Variants in TBC1D1 observed in about 807,000 individuals in gnomAD.
The protein encoded by TBC1D1 is TBC1 (tre-2/USP6, BUB2, cdc16) domain family, member 1.
Under a neutral mutation model 125.6 loss-of-function variants are expected in TBC1D1, and 89 were observed. The observed-to-expected ratio is 0.71, with a 90% confidence interval of 0.60 to 0.85. The LOEUF (loss-of-function observed/expected upper bound fraction) is 0.85, where lower values mean the gene tolerates loss of function less well. TBC1D1 is among the 40% of genes least tolerant of loss of function. The probability of loss-of-function intolerance (pLI) is 0.00; values close to 1 mark genes in which losing one functional copy is unlikely to be tolerated. For missense variants in TBC1D1, 1,377 were observed against 1,469.2 expected (o/e 0.94, Z 1.03); for synonymous variants, 565 against 564.1 (o/e 1.00, Z -0.02).
intron 12 of TBC1D1, among the ~76,000 whole-genome samples, chr4:38,073,321 T>G (rs564831243): frequency 1.3e-5 from 2 of 152,346 alleles, no homozygotes; most frequent in South Asian, 4.1e-4. Context: ...TCTTCTGGAT[T>G]ACACTTGATT....
chr4:37,942,729 A>G (rs1454604764), intron 2 of TBC1D1, among the ~76,000 whole-genome samples: 1 of 151,966 alleles, frequency 6.6e-6, no homozygotes, highest in Non-Finnish European at 1.5e-5. Flanking sequence ...TTTAGTAGAG[A>G]CGGGGTTTCA....
rs1178173150 is a variant in TBC1D1, at chr4:38,014,870, T to G, written c.779T>G (p.Phe260Cys). ...GATGGGGGCCTCCGAAGCAGCGGCT[T>G]CTTCAGCTCCTTCGAGGAGAGCGAC... The change falls in exon 3 of 20, where the codon TTC becomes TGC. Residue 260 changes from phenylalanine to cysteine, a missense_variant. Phe to Cys is a radical substitution (Grantham distance 205). Coordinates refer to ENST00000261439, the MANE Select transcript of TBC1D1 (RefSeq NM_015173.4). This position sits in a 1 kb window ranked among gnomAD's most constrained non-coding sequence, Gnocchi z 5.1. The G allele has an allele frequency of 1.2e-6, 2 of 1,610,906 alleles. No individual in the cohort carries two copies. The highest frequency in any genetic ancestry group is 4.5e-5 in the East Asian group (2 of 44,748).
chr4:37,985,598 G>T (rs1383132638), intron 2 of TBC1D1, among the ~76,000 whole-genome samples: 6 of 152,152 alleles, frequency 3.9e-5, no homozygotes, highest in African/African-American at 1.2e-4. Context: ...TTTAAAAATA[G>T]TTCCTATTTT....
chr4:37,891,899 T>C (rs1430025674), intron 1 of TBC1D1, among the ~76,000 whole-genome samples: 1 of 152,148 alleles, frequency 6.6e-6, no homozygotes, highest in Non-Finnish European at 1.5e-5. Context: ...CCCCTCAAAC[T>C]TCACCAGGCA....
At chr4:37,950,759 C>CTT (rs35602268) in intron 2 of TBC1D1, among the ~76,000 whole-genome samples, 298 of 137,832 alleles carry the variant, frequency 2.2e-3, no homozygotes, top group African/African-American at 5.5e-3. Flanking sequence ...CATGTAGTCA[C>CTT]TTTTTTTTTT....
intron 2 of TBC1D1, among the ~76,000 whole-genome samples, chr4:37,989,860 G>A (rs1008325993): frequency 1.3e-5 from 2 of 152,032 alleles, no homozygotes; most frequent in African/African-American, 2.4e-5. Flanking sequence ...GGTTTTTTTC[G>A]TCTCTCAGAG....
Position 38,014,723 on chromosome 4 carries a change from G to GCCCCCCCCCCCCCCCCCCCCCCC in TBC1D1, c.637_638insCCCCCCCCCCCCCCCCCCCCCCC (p.Arg213ProfsTer106). The GCCCCCCCCCCCCCCCCCCCCCCC allele has an allele frequency of 6.2e-7, 1 of 1,600,230 alleles. No individual in the cohort carries two copies. Among genetic ancestry groups the GCCCCCCCCCCCCCCCCCCCCCCC allele is most frequent in the Non-Finnish European group, 8.6e-7 (1 of 1,169,374 alleles). On this transcript the variant is annotated frameshift_variant, in exon 3 of 20. Coordinates refer to ENST00000261439, the MANE Select transcript of TBC1D1 (RefSeq NM_015173.4). LOFTEE classifies it high-confidence loss of function. The surrounding 1 kb of genome is among the most constrained non-coding windows in gnomAD (Gnocchi z 5.1). ...GTCAGCGGCAGCCGGGGGTCCGAGA[G>GCCCCCCCCCCCCCCCCCCCCCCC]CCCCCGCCCCAACCCGCCCCATGCC...
At chr4:37,908,222 CT>C (rs1415474281) in intron 2 of TBC1D1, among the ~76,000 whole-genome samples, 1 of 151,860 alleles carries the variant, frequency 6.6e-6, no homozygotes, top group Non-Finnish European at 1.5e-5. Context: ...GTGTAAGCGC[CT>C]TTTTTGGGGG....
At chr4:38,016,899 A>G (rs148236655) in intron 3 of TBC1D1, among the ~76,000 whole-genome samples, 3,395 of 152,360 alleles carry the variant, frequency 0.022, 60 homozygotes, top group South Asian at 0.074. Flanking sequence ...CTACAGAGCC[A>G]GGATACTTGG....
chr4:37,926,253 C>T (rs1374212004), intron 2 of TBC1D1, among the ~76,000 whole-genome samples: 1 of 152,188 alleles, frequency 6.6e-6, no homozygotes, highest in Non-Finnish European at 1.5e-5. Context: ...GGATTCCCTC[C>T]CTTTGTGCCT....
intron 12 of TBC1D1, among the ~76,000 whole-genome samples, chr4:38,057,917 A>G (rs1232173235): frequency 6.6e-6 from 1 of 152,202 alleles, no homozygotes; most frequent in Non-Finnish European, 1.5e-5. Flanking sequence ...GGCTGCAGCC[A>G]GAGATGCAGG....
intron 2 of TBC1D1, among the ~76,000 whole-genome samples, chr4:38,005,165 G>A (rs1313294690): frequency 6.6e-6 from 1 of 152,192 alleles, no homozygotes; most frequent in East Asian, 1.9e-4. Context: ...GCCCCAGGAT[G>A]CGGAAAAAGG....
chr4:37,897,191 G>A (rs1337594090), intron 1 of TBC1D1, among the ~76,000 whole-genome samples: 2 of 152,100 alleles, frequency 1.3e-5, no homozygotes, highest in African/African-American at 4.8e-5. Context: ...ATAATCAAAT[G>A]GTTTGTTAGT....
At chr4:38,052,726 GCGCACACACACACA>G (rs1370735741) in intron 11 of TBC1D1, among the ~76,000 whole-genome samples, 2 of 68,996 alleles carry the variant, frequency 2.9e-5, no homozygotes, top group South Asian at 4.6e-4. Context: ...GCGCGCGCGC[GCGCACACACACACA>G]CACACACACA....
intron 6 of TBC1D1, among the ~76,000 whole-genome samples, chr4:38,027,261 A>G (rs1009376826): frequency 3.3e-5 from 5 of 152,338 alleles, no homozygotes; most frequent in African/African-American, 9.6e-5. Context: ...CTTAATGCCT[A>G]TTATACAGTG....
intron 2 of TBC1D1, among the ~76,000 whole-genome samples, chr4:37,962,847 G>T (rs1369614761): frequency 6.6e-6 from 1 of 152,174 alleles, no homozygotes; most frequent in Non-Finnish European, 1.5e-5. Flanking sequence ...AAAAAAGAAA[G>T]TGTTTTAAAA....
intron 12 of TBC1D1, among the ~76,000 whole-genome samples, chr4:38,082,610 T>C (rs1756764910): frequency 6.6e-6 from 1 of 152,208 alleles, no homozygotes; most frequent in Admixed American, 6.5e-5. Flanking sequence ...TTTTCTCCCA[T>C]GCGTTATCTC....
At chr4:38,055,642 G>A (rs1241069075) in intron 12 of TBC1D1, among the ~76,000 whole-genome samples, 1 of 152,084 alleles carries the variant, frequency 6.6e-6, no homozygotes, top group African/African-American at 2.4e-5. Context: ...CAAGTAGTTT[G>A]TACCTATAAA....
intron 2 of TBC1D1, among the ~76,000 whole-genome samples, chr4:37,915,442 G>C (rs2152262391): frequency 6.6e-6 from 1 of 152,304 alleles, no homozygotes; most frequent in Non-Finnish European, 1.5e-5. Context: ...ATGTCTGTGA[G>C]CCGGGAGAAC....
Sources: gnomAD v4.1 joint callset for allele counts (sites outside exome capture counted in the v4.1 genomes callset) on GRCh38, gnomAD v4.1.1 for gene constraint, Gnocchi (gnomAD v3.1) non-coding constraint, MANE v1.5 for transcripts, NCBI Gene and HGNC (gene_info 2026-07-23, HGNC 2026-07-21) for gene names.